Variants in MED13L observed in about 807,000 individuals in gnomAD.
MED13L encodes mediator of RNA polymerase II transcription subunit 13-like.
MED13L carries 7 observed loss-of-function variants against 220.9 expected under a neutral mutation model. The observed-to-expected ratio is 0.03, with a 90% CI of 0.02 to 0.06. MED13L has a LOEUF of 0.06. Among genes scored for constraint, MED13L ranks in the 10% least tolerant of loss-of-function variants. The pLI is 1.00. For missense variants in MED13L, 1,965 were observed against 2,760.5 expected (o/e 0.71, Z 6.46); for synonymous variants, 1,011 against 1,015.2 (o/e 1.00, Z 0.08).
intron 1 of MED13L, among the ~76,000 whole-genome samples, chr12:116,253,760 T>TG (rs1871787922): frequency 7.3e-6 from 1 of 136,820 alleles, no homozygotes; most frequent in African/African-American, 2.8e-5. Context: ...TTTGTTTTTT[T>TG]TTTTTTTTTT....
intron 4 of MED13L, among the ~76,000 whole-genome samples, chr12:116,030,178 G>A (rs1043526932): frequency 2.6e-5 from 4 of 152,080 alleles, no homozygotes; most frequent in Admixed American, 1.3e-4. Context: ...ATTTTGGCTA[G>A]GTGGTCTCAA....
At chr12:116,026,920 C>T (rs537254749) in intron 4 of MED13L, among the ~76,000 whole-genome samples, 9 of 151,910 alleles carry the variant, frequency 5.9e-5, no homozygotes, top group South Asian at 2.1e-4. Flanking sequence ...AAAGTAATGC[C>T]CTGCAGCCAT....
At chr12:115,988,814 G>A (rs1877870796) in intron 17 of MED13L, among the ~76,000 whole-genome samples, 1 of 152,116 alleles carries the variant, frequency 6.6e-6, no homozygotes, top group East Asian at 1.9e-4. Flanking sequence ...ACTGATTCAT[G>A]CACACAGACT....
intron 1 of MED13L, among the ~76,000 whole-genome samples, chr12:116,248,222 A>T (rs1871241314): frequency 6.6e-6 from 1 of 152,230 alleles, no homozygotes; most frequent in South Asian, 2.1e-4. Flanking sequence ...AATGATTCTG[A>T]AGTTATTTAG....
intron 3 of MED13L, among the ~76,000 whole-genome samples, chr12:116,099,803 A>T (rs1266001655): frequency 6.6e-6 from 1 of 152,046 alleles, no homozygotes; most frequent in Non-Finnish European, 1.5e-5. Flanking sequence ...GCTGATGAAA[A>T]CTCTGAGAGT....
At chr12:116,264,219 A>G (rs755014898) in intron 1 of MED13L, among the ~76,000 whole-genome samples, 1 of 152,218 alleles carries the variant, frequency 6.6e-6, no homozygotes, top group South Asian at 2.1e-4. Flanking sequence ...AACTGTCTCT[A>G]AAAGCAATTC....
chr12:116,071,209 G>C (rs866136572), intron 4 of MED13L, among the ~76,000 whole-genome samples: 1 of 151,692 alleles, frequency 6.6e-6, no homozygotes, highest in African/African-American at 2.4e-5. Flanking sequence ...GTTCAATATC[G>C]GCTTTACATT....
At chr12:116,036,780 T>G (rs1326537197) in intron 4 of MED13L, among the ~76,000 whole-genome samples, 1 of 152,208 alleles carries the variant, frequency 6.6e-6, no homozygotes, top group Non-Finnish European at 1.5e-5. Context: ...TGTAGTTTAC[T>G]TTGGCACCAC....
intron 14 of MED13L, among the ~76,000 whole-genome samples, chr12:115,997,604 T>A (rs141563843): frequency 0.012 from 1,771 of 152,288 alleles, 37 homozygotes; most frequent in African/African-American, 0.04. Flanking sequence ...GTATTTTTGG[T>A]AGAAACAGGG....
intron 14 of MED13L, 49 bp downstream of exon 14, chr12:116,002,953 TA>T: frequency 7.3e-7 from 1 of 1,374,072 alleles, no homozygotes; most frequent in Non-Finnish European, 1.0e-6. Context: ...ATATTATATC[TA>T]AGTTACAGGC....
chr12:116,262,378 G>C (rs1872575457), intron 1 of MED13L, among the ~76,000 whole-genome samples: 1 of 152,024 alleles, frequency 6.6e-6, no homozygotes, highest in Non-Finnish European at 1.5e-5. Flanking sequence ...TAGATTACAA[G>C]GAATCTAAAT....
intron 16 of MED13L, among the ~76,000 whole-genome samples, 196 bp downstream of exon 16, chr12:115,996,280 C>T (rs1042532361): frequency 6.6e-6 from 1 of 151,940 alleles, no homozygotes; most frequent in African/African-American, 2.4e-5. Flanking sequence ...TTAGTAGAGA[C>T]GGGGTTTCAC....
chr12:116,212,774 G>A (rs942171004), intron 2 of MED13L, among the ~76,000 whole-genome samples: 2 of 152,150 alleles, frequency 1.3e-5, no homozygotes, highest in South Asian at 2.1e-4. Flanking sequence ...AAATACTATC[G>A]GGAATCTCAA....
intron 25 of MED13L, among the ~76,000 whole-genome samples, chr12:115,972,785 A>G (rs1876679167): frequency 6.6e-6 from 1 of 152,184 alleles, no homozygotes; most frequent in Non-Finnish European, 1.5e-5. Flanking sequence ...TGCCATACTA[A>G]TAGTGGAGAT....
At chr12:116,120,477 TCACA>T (rs1158069310) in intron 2 of MED13L, among the ~76,000 whole-genome samples, 5,235 of 78,802 alleles carry the variant, frequency 0.066, 152 homozygotes, top group Non-Finnish European at 0.081. Context: ...TCTCTCTCTC[TCACA>T]CACACACACA....
At chr12:115,961,425 G>T (rs1391651596) in intron 30 of MED13L, 27 bp from the exon 31 acceptor site, 1 of 1,612,550 alleles carries the variant, frequency 6.2e-7, no homozygotes, top group African/African-American at 1.3e-5. Context: ...ACAGAGCAGG[G>T]GCGTGAGCCT....
rs115291416 is a variant in MED13L, at chr12:116,033,187, C to A, written c.480-10586G>T. ...TTGTTCCACAGCTTTACACTTGCCACCTTTTTTATTTTTAAAAATCAATGT... is the reference window on the plus strand; with the variant it reads ...TTGTTCCACAGCTTTACACTTGCCAACTTTTTTATTTTTAAAAATCAATGT... On this transcript the variant is annotated intron_variant, in intron 4 of 30. Coordinates refer to ENST00000281928, the MANE Select transcript of MED13L (RefSeq NM_015335.5). Among the ~76,000 whole-genome samples, 125 of 152,030 alleles carry A rather than the reference C, an allele frequency of 8.2e-4. 2 individuals are homozygous for A. The South Asian group carries it at 0.02, about 25-fold the overall frequency.
intron 23 of MED13L, among the ~76,000 whole-genome samples, chr12:115,977,637 C>A (rs1028328329): frequency 6.6e-6 from 1 of 152,178 alleles, no homozygotes; most frequent in East Asian, 1.9e-4. Flanking sequence ...AAATGAAGTA[C>A]TGGTACATGT....
chr12:116,185,947 G>A (rs1275161267), intron 2 of MED13L, among the ~76,000 whole-genome samples: 1 of 152,138 alleles, frequency 6.6e-6, no homozygotes, highest in Non-Finnish European at 1.5e-5. Context: ...GCCCACTTCG[G>A]CCTCCCAAAG....
Sources: gnomAD v4.1 joint callset for allele counts (sites outside exome capture counted in the v4.1 genomes callset) on GRCh38, gnomAD v4.1.1 for gene constraint, MANE v1.5 for transcripts, NCBI Gene and HGNC (gene_info 2026-07-23, HGNC 2026-07-21) for gene names.